Variants in PTPRD observed in about 807,000 individuals in gnomAD.
The protein encoded by PTPRD is protein tyrosine phosphatase receptor type D.
Under a neutral mutation model 214.5 loss-of-function variants are expected in PTPRD, and 34 were observed. That is an observed-to-expected ratio of 0.16 (90% confidence interval 0.12 to 0.21). The LOEUF (loss-of-function observed/expected upper bound fraction) is 0.21, where lower values mean the gene tolerates loss of function less well. Ranked by LOEUF, PTPRD falls within the 10% of genes least tolerant of loss-of-function variation. The probability of loss-of-function intolerance (pLI) is 1.00; values close to 1 mark genes in which losing one functional copy is unlikely to be tolerated. For missense variants in PTPRD, 2,545 were observed against 2,398.7 expected (o/e 1.06, Z -1.27); for synonymous variants, 1,128 against 845.7 (o/e 1.33, Z -5.79).
intron 11 of PTPRD, among the ~76,000 whole-genome samples, chr9:8,994,592 T>C (rs541650281): frequency 6.6e-6 from 1 of 152,122 alleles, no homozygotes; most frequent in South Asian, 2.1e-4. Flanking sequence ...GAAAGGATTT[T>C]GCCAAGAATG....
chr9:9,281,309 G>C (rs1015779071), intron 9 of PTPRD, among the ~76,000 whole-genome samples: 1 of 150,880 alleles, frequency 6.6e-6, no homozygotes, highest in Admixed American at 6.6e-5. Context: ...AGAATGAGAA[G>C]ACAAGCCACA....
intron 2 of PTPRD, among the ~76,000 whole-genome samples, chr9:10,411,156 T>C (rs1339847168): frequency 6.6e-6 from 1 of 151,902 alleles, no homozygotes; most frequent in South Asian, 2.1e-4. Flanking sequence ...AGAATTTGAA[T>C]GATGTAAAAT....
At chr9:9,845,034 ATATATATATAGC>A (rs2059163343) in intron 5 of PTPRD, among the ~76,000 whole-genome samples, 1 of 143,398 alleles carries the variant, frequency 7.0e-6, no homozygotes, top group African/African-American at 2.6e-5. Context: ...ATATACTGCT[ATATATATATAGC>A]TATATATAGA....
intron 5 of PTPRD, among the ~76,000 whole-genome samples, chr9:9,835,157 G>C (rs2056372771): frequency 1.3e-5 from 2 of 152,032 alleles, no homozygotes; most frequent in South Asian, 4.1e-4. Flanking sequence ...AATACATAGT[G>C]TTAGTACAAA....
At chr9:8,834,230 AG>A (rs1403612178) in intron 11 of PTPRD, among the ~76,000 whole-genome samples, 3 of 152,128 alleles carry the variant, frequency 2.0e-5, no homozygotes, top group Non-Finnish European at 4.4e-5. Context: ...TAATTATAAC[AG>A]ACAAGGAAGC....
intron 7 of PTPRD, among the ~76,000 whole-genome samples, chr9:9,730,712 T>A (rs2098174153): frequency 6.6e-6 from 1 of 152,124 alleles, no homozygotes; most frequent in African/African-American, 2.4e-5. Context: ...TAGACTGAAA[T>A]CTCAGCATCT....
intron 12 of PTPRD, among the ~76,000 whole-genome samples, chr9:8,674,226 G>A (rs562411958): frequency 5.3e-5 from 8 of 152,128 alleles, no homozygotes; most frequent in African/African-American, 7.2e-5. Context: ...TTGCGAGGCC[G>A]AGGCAGGCAG....
At chr9:9,530,381 C>A (rs1296481916) in intron 8 of PTPRD, among the ~76,000 whole-genome samples, 1 of 151,994 alleles carries the variant, frequency 6.6e-6, no homozygotes, top group African/African-American at 2.4e-5. Flanking sequence ...GAAATTGGAA[C>A]ACATAGAGGA....
At chr9:10,047,714 T>C (rs1488680714) in intron 3 of PTPRD, among the ~76,000 whole-genome samples, 6 of 152,174 alleles carry the variant, frequency 3.9e-5, no homozygotes, top group African/African-American at 7.2e-5. Flanking sequence ...AATTAAGTTT[T>C]ATTCTCACAG....
intron 9 of PTPRD, among the ~76,000 whole-genome samples, chr9:9,280,783 A>T (rs1408359855): frequency 6.6e-6 from 1 of 151,302 alleles, no homozygotes; most frequent in Non-Finnish European, 1.5e-5. Flanking sequence ...AACTGATTGT[A>T]AAGTTTATAT....
At chr9:8,451,151 T>C (rs1054209580) in intron 33 of PTPRD, among the ~76,000 whole-genome samples, 1 of 152,212 alleles carries the variant, frequency 6.6e-6, no homozygotes, top group Admixed American at 6.5e-5. Flanking sequence ...GAAGAGAAGA[T>C]TGATACAAAG....
At chr9:8,950,664 C>T (rs968314624) in intron 11 of PTPRD, among the ~76,000 whole-genome samples, 18 of 151,748 alleles carry the variant, frequency 1.2e-4, no homozygotes, top group Non-Finnish European at 2.6e-4. Flanking sequence ...GATAGAACTT[C>T]CCAGAATCCT....
intron 6 of PTPRD, among the ~76,000 whole-genome samples, chr9:9,761,477 T>G (rs916520882): frequency 1.3e-5 from 2 of 152,152 alleles, no homozygotes; most frequent in African/African-American, 4.8e-5. Flanking sequence ...ATGTCTTGAC[T>G]GTGGGGTAGG....
intron 2 of PTPRD, among the ~76,000 whole-genome samples, chr9:10,429,250 C>T (rs1214956039): frequency 2.0e-5 from 3 of 151,846 alleles, no homozygotes; most frequent in African/African-American, 7.2e-5. Context: ...TAAATTAGTA[C>T]AGCCACTATG....
At chr9:10,482,174 A>C (rs1057311034) in intron 2 of PTPRD, among the ~76,000 whole-genome samples, 4 of 152,022 alleles carry the variant, frequency 2.6e-5, no homozygotes, top group Admixed American at 2.6e-4. Context: ...GATTGAGACC[A>C]GCCCGGCTAA....
At chr9:10,598,401 T>TGGAAGGGA (rs1268891609) in intron 2 of PTPRD, among the ~76,000 whole-genome samples, 1 of 151,682 alleles carries the variant, frequency 6.6e-6, no homozygotes, top group African/African-American at 2.4e-5. Context: ...TACAGCAGCA[T>TGGAAGGGA]GGAAGGGACA....
chr9:8,541,545 T>C (rs560600052), intron 14 of PTPRD, among the ~76,000 whole-genome samples: 8 of 152,226 alleles, frequency 5.3e-5, no homozygotes, highest in African/African-American at 1.9e-4. Flanking sequence ...TTTATTCTTT[T>C]TGTGGAGATG....
At chr9:9,704,213 A>T (rs552668167) in intron 7 of PTPRD, among the ~76,000 whole-genome samples, 1 of 151,940 alleles carries the variant, frequency 6.6e-6, no homozygotes, top group Non-Finnish European at 1.5e-5. Flanking sequence ...ATTTTAACGA[A>T]CTATTGTCTG....
chr9:10,079,932 C>CT (rs58765296), intron 3 of PTPRD, among the ~76,000 whole-genome samples: 4,611 of 139,080 alleles, frequency 0.033, 133 homozygotes, highest in Admixed American at 0.11. Context: ...TTAAATCTTG[C>CT]TTTTTTTTTT....
Sources: allele counts gnomAD v4.1 joint callset (sites outside exome capture counted in the v4.1 genomes callset), GRCh38; gene constraint gnomAD v4.1.1; transcripts MANE v1.5; gene names NCBI Gene and HGNC (gene_info 2026-07-23, HGNC 2026-07-21).